Variants in PCDHGA8 observed in about 807,000 individuals in gnomAD.
PCDHGA8 encodes the protein protocadherin gamma-A8.
PCDHGA8 carries 45 observed loss-of-function variants against 59.2 expected under a neutral mutation model. The ratio of observed to expected loss-of-function variants is 0.76; its 90% CI spans 0.60 to 0.98. The LOEUF (loss-of-function observed/expected upper bound fraction) is 0.98. Ranked by LOEUF, PCDHGA8 falls within the 50% of genes least tolerant of loss-of-function variation. The probability of loss-of-function intolerance (pLI) is 0.00; values close to 1 mark genes in which losing one functional copy is unlikely to be tolerated. For missense variants in PCDHGA8, 1,257 were observed against 1,196.2 expected, an observed-to-expected ratio of 1.05 and a Z score of -0.75; for synonymous variants, 531 against 519.0, an observed-to-expected ratio of 1.02 and a Z score of -0.32.
rs558972594 is a variant in PCDHGA8 at position 141,485,292 on chromosome 5, A to G, written c.2425-9515A>G. ...CGCTACCCGGTCCCAGAGGAGTCAC[A>G]GGAAGGGACTTTTGTAGGGAATGTC... On this transcript the variant is annotated intron_variant, in intron 1 of 3. Coordinates refer to ENST00000398604, the MANE Select transcript of PCDHGA8 (RefSeq NM_032088.2). The surrounding 1 kb of genome is among the most constrained non-coding windows in gnomAD (Gnocchi z 5.7). 1 of 1,614,120 alleles carries G rather than the reference A, an allele frequency of 6.2e-7. No individual in the cohort carries two copies. Among genetic ancestry groups the G allele is most frequent in the African/African-American group, 1.3e-5 (1 of 75,058 alleles).
chr5:141,451,521 TAAAGG>T (rs1187561043), intron 1 of PCDHGA8, among the ~76,000 whole-genome samples: 1 of 152,148 alleles, frequency 6.6e-6, no homozygotes, highest in Non-Finnish European at 1.5e-5. Context: ...TTAGAGCAAG[TAAAGG>T]AGAGTGCCAG....
In PCDHGA8 at chr5:141,476,839, G is replaced by T; in HGVS notation, c.2425-17968G>T. The T allele has an allele frequency of 1.9e-6, 3 of 1,613,610 alleles. No individual in the cohort carries two copies. Among genetic ancestry groups the T allele is most frequent in the East Asian group, 2.2e-5 (1 of 44,862 alleles). ...AGGTGCTGGACGCGAATGACAATGC[G>T]CCTGTCTTCAACCAGTCCTTGTACC... On this transcript the variant is annotated intron_variant, in intron 1 of 3. Coordinates refer to ENST00000398604, the MANE Select transcript of PCDHGA8 (RefSeq NM_032088.2). This position sits in a 1 kb window ranked among gnomAD's most constrained non-coding sequence, Gnocchi z 7.6.
At chr5:141,405,004 G>A in intron 1 of PCDHGA8, 1 of 1,613,960 alleles carries the variant, frequency 6.2e-7, no homozygotes, top group South Asian at 1.1e-5. Flanking sequence ...CTGCAGACCT[G>A]GAGGCCTCAG....
At chr5:141,417,832 G>C in intron 1 of PCDHGA8, 1 of 1,528,846 alleles carries the variant, frequency 6.5e-7, no homozygotes. Flanking sequence ...CTGGAAAAGC[G>C]GGGACCCAGC....
intron 1 of PCDHGA8, among the ~76,000 whole-genome samples, chr5:141,467,372 T>C (rs1006663543): frequency 2.0e-5 from 3 of 152,072 alleles, no homozygotes; most frequent in African/African-American, 7.2e-5. Flanking sequence ...TTTTCTTATA[T>C]TGCATTTAGG....
intron 1 of PCDHGA8, chr5:141,430,923 A>C (rs2097325574): frequency 6.2e-7 from 1 of 1,607,168 alleles, no homozygotes; most frequent in African/African-American, 1.3e-5. Context: ...CTGGGGCTGG[A>C]GCCCCGGGAG....
At position 141,486,783 on chromosome 5, in the gene PCDHGA8, C is replaced by A. The variant is rs905423670; in HGVS notation, c.2425-8024C>A. ...CAGACACTGCAGTTTGAGGTGCAGG[C>A]CCGGGATCGGGGCAACCCACCCCTT... On this transcript the variant is annotated intron_variant, in intron 1 of 3. Transcript: ENST00000398604. The surrounding 1 kb of genome is among the most constrained non-coding windows in gnomAD (Gnocchi z 5.0). 6.2e-7 allele frequency: 1 copy of A among 1,614,102 alleles called. No homozygotes were observed.
intron 2 of PCDHGA8, 114 bp from the exon 3 acceptor site, chr5:141,505,279 C>T: frequency 6.5e-7 from 1 of 1,541,274 alleles, no homozygotes; most frequent in Non-Finnish European, 8.7e-7. Context: ...AGAAACAGGT[C>T]TTGGGCATGG....
At chr5:141,405,410 T>C (rs1483035668) in intron 1 of PCDHGA8, 2 of 1,557,296 alleles carry the variant, frequency 1.3e-6, no homozygotes, top group Non-Finnish European at 1.8e-6. Context: ...TTCTTTTCTT[T>C]TTTTGTTTTT....
chr5:141,477,671 G>A lies in PCDHGA8; in HGVS notation c.2425-17136G>A, dbSNP rs1022028453. The A allele has an allele frequency of 1.2e-6, 2 of 1,614,198 alleles. No individual in the cohort carries two copies. Among genetic ancestry groups the A allele is most frequent in the Non-Finnish European group, 1.7e-6 (2 of 1,180,048 alleles). Reference sequence around the variant, plus strand: ...CACAATAAATCGTGACAATGGCATAGTGTCATCCTTAGTGCCCCTAGACTA... The same window carrying A: ...CACAATAAATCGTGACAATGGCATAATGTCATCCTTAGTGCCCCTAGACTA... On this transcript the variant is annotated intron_variant, in intron 1 of 3. Coordinates refer to ENST00000398604, the MANE Select transcript of PCDHGA8 (RefSeq NM_032088.2). This position sits in a 1 kb window ranked among gnomAD's most constrained non-coding sequence, Gnocchi z 4.9.
rs1460703461 is a variant in PCDHGA8 at position 141,490,596 on chromosome 5, C to G, written c.2425-4211C>G. 2.5e-6 allele frequency: 4 copies of G among 1,614,052 alleles called. No homozygotes were observed. The African/African-American group carries it at 4.0e-5, about 16-fold the overall frequency. On this transcript the variant is annotated intron_variant, in intron 1 of 3. Transcript: ENST00000398604. The surrounding 1 kb of genome is among the most constrained non-coding windows in gnomAD (Gnocchi z 5.4). Reference sequence around the variant, plus strand: ...TTTCAGATGTCAATGACAATGCACCCCGCTTCAACCAGCAGCTTTACACTG... The same window carrying G: ...TTTCAGATGTCAATGACAATGCACCGCGCTTCAACCAGCAGCTTTACACTG...
Position 141,491,188 on chromosome 5 carries a change from G to A in PCDHGA8, c.2425-3619G>A. On this transcript the variant is annotated intron_variant, in intron 1 of 3. Transcript: ENST00000398604. This position sits in a 1 kb window ranked among gnomAD's most constrained non-coding sequence, Gnocchi z 6.9. Reference sequence around the variant, plus strand: ...CCAGCAGGTGGTGGTCCTGGTGAGGGACAATGGTGACCCTTCACTCTCCTC... The same window carrying A: ...CCAGCAGGTGGTGGTCCTGGTGAGGAACAATGGTGACCCTTCACTCTCCTC... The A allele has an allele frequency of 6.2e-7, 1 of 1,614,198 alleles. No individual in the cohort carries two copies. The highest frequency in any genetic ancestry group is 1.1e-5 in the South Asian group (1 of 91,086).
At chr5:141,409,719 CAGTG>C (rs2095305881) in intron 1 of PCDHGA8, 2 of 1,613,090 alleles carry the variant, frequency 1.2e-6, no homozygotes, top group South Asian at 2.2e-5. Flanking sequence ...TCATACGTGT[CAGTG>C]AGCGCGCAGA....
intron 1 of PCDHGA8, among the ~76,000 whole-genome samples, chr5:141,483,832 G>A (rs994540286): frequency 2.0e-5 from 3 of 152,134 alleles, no homozygotes; most frequent in African/African-American, 7.2e-5. Context: ...ACCTAGGTAA[G>A]GACTTGGTTG....
intron 1 of PCDHGA8, chr5:141,422,092 G>T: frequency 6.2e-7 from 1 of 1,611,520 alleles, no homozygotes; most frequent in Non-Finnish European, 8.5e-7. Context: ...GGAAAGCAAG[G>T]CTTCTGAAAT....
At chr5:141,416,794 G>A (rs1002101061) in intron 1 of PCDHGA8, 1 of 152,070 alleles carries the variant, frequency 6.6e-6, no homozygotes, top group East Asian at 1.9e-4. Flanking sequence ...ACTAAATGTG[G>A]TAGTATAAAG....
intron 1 of PCDHGA8, chr5:141,398,625 T>C (rs777533974): frequency 6.2e-7 from 1 of 1,614,046 alleles, no homozygotes; most frequent in South Asian, 1.1e-5. Context: ...GCTTAAACTC[T>C]CTGCAGAAGT....
rs1236382706 is a variant in PCDHGA8 at position 141,393,115 on chromosome 5, GGT to G, written c.305_306del (p.Cys102SerfsTer5). 6.2e-7 allele frequency: 1 copy of G among 1,613,438 alleles called. No homozygotes were observed. Among genetic ancestry groups the G allele is most frequent in the Non-Finnish European group, 8.5e-7 (1 of 1,179,894 alleles). ...GAGGAGCTCTGCGCTCAGAGCCCGCGGTGTCTGATAAATATTAACACCCTGGT... is the reference window on the plus strand; with the variant it reads ...GAGGAGCTCTGCGCTCAGAGCCCGCGGTCTGATAAATATTAACACCCTGGT... On this transcript the variant is annotated frameshift_variant, in exon 1 of 4. Coordinates refer to ENST00000398604, the MANE Select transcript of PCDHGA8 (RefSeq NM_032088.2). LOFTEE classifies it high-confidence loss of function.
At chr5:141,403,652 G>C in intron 1 of PCDHGA8, 1 of 1,613,908 alleles carries the variant, frequency 6.2e-7, no homozygotes, top group South Asian at 1.1e-5. Context: ...GACAGTGTTG[G>C]ATACAAATGA....
Sources: gnomAD v4.1 joint callset for allele counts (sites outside exome capture counted in the v4.1 genomes callset) on GRCh38, gnomAD v4.1.1 for gene constraint, Gnocchi (gnomAD v3.1) non-coding constraint, MANE v1.5 for transcripts, NCBI Gene and HGNC (gene_info 2026-07-23, HGNC 2026-07-21) for gene names.